Variants in RGS6 observed in about 807,000 individuals in gnomAD.
The protein encoded by RGS6 is regulator of G protein signaling 6.
RGS6 carries 30 observed loss-of-function variants against 78.5 expected under a neutral mutation model. The observed-to-expected ratio is 0.38, with a 90% CI of 0.29 to 0.52. The LOEUF (loss-of-function observed/expected upper bound fraction) is 0.52, where lower values mean the gene tolerates loss of function less well. RGS6 is among the 20% of genes least tolerant of loss of function. RGS6 has a pLI of 0.85. For missense variants in RGS6, 495 were observed against 609.7 expected, an observed-to-expected ratio of 0.81 and a Z score of 1.98; for synonymous variants, 206 against 206.0, an observed-to-expected ratio of 1.00 and a Z score of 0.00.
the RGS6 span, among the ~76,000 whole-genome samples, chr14:72,579,018 A>T: frequency 6.6e-6 from 1 of 152,108 alleles, no homozygotes; most frequent in Admixed American, 6.5e-5. Flanking sequence ...CTGTGTATCA[A>T]CCGCCTGCAT....
intron 13 of RGS6, among the ~76,000 whole-genome samples, chr14:72,506,494 C>CT (rs2096801525): frequency 2.6e-5 from 4 of 152,136 alleles, no homozygotes; most frequent in Admixed American, 1.3e-4. Flanking sequence ...ATGTTCAAGT[C>CT]TTTTCTTAAA....
chr14:72,091,273 T>C (rs1035650838), intron 2 of RGS6, among the ~76,000 whole-genome samples: 2 of 152,184 alleles, frequency 1.3e-5, no homozygotes, highest in African/African-American at 4.8e-5. Context: ...TGCTCTCTGC[T>C]GTAAGCAGCT....
chr14:72,291,158 A>T (rs563208335), intron 2 of RGS6, among the ~76,000 whole-genome samples: 28 of 151,880 alleles, frequency 1.8e-4, no homozygotes, highest in Admixed American at 3.9e-4. Context: ...ATTAACTTCA[A>T]GCCCTTAGAT....
chr14:72,070,301 G>A (rs1167118613), intron 2 of RGS6, among the ~76,000 whole-genome samples: 1 of 152,164 alleles, frequency 6.6e-6, no homozygotes, highest in African/African-American at 2.4e-5. Context: ...ATTTAAGGTT[G>A]CTTCTGCTAT....
intron 1 of RGS6, among the ~76,000 whole-genome samples, chr14:71,945,832 A>G (rs974908062): frequency 6.6e-6 from 1 of 152,336 alleles, no homozygotes; most frequent in African/African-American, 2.4e-5. Context: ...ACCAATTTCA[A>G]TTAGAAAAAT....
At chr14:71,982,432 T>C (rs1206257063) in intron 2 of RGS6, among the ~76,000 whole-genome samples, 1 of 152,228 alleles carries the variant, frequency 6.6e-6, no homozygotes, top group East Asian at 1.9e-4. Context: ...TTTTCTTTTA[T>C]GTCAGTCAAA....
the RGS6 span, among the ~76,000 whole-genome samples, chr14:72,582,945 T>TAAA: frequency 2.2e-3 from 315 of 142,342 alleles, no homozygotes; most frequent in African/African-American, 5.0e-3. Context: ...GTGGACTGAG[T>TAAA]AAAAAAAAAA....
intron 2 of RGS6, among the ~76,000 whole-genome samples, chr14:72,324,726 G>A (rs1284563821): frequency 1.3e-5 from 2 of 151,978 alleles, no homozygotes; most frequent in African/African-American, 2.4e-5. Flanking sequence ...TGGTGTATAT[G>A]TGCCACATTT....
chr14:72,330,040 C>A (rs2152565155), intron 2 of RGS6, among the ~76,000 whole-genome samples: 1 of 152,344 alleles, frequency 6.6e-6, no homozygotes, highest in East Asian at 1.9e-4. Flanking sequence ...TTCTTCACAG[C>A]ACCCAACAGC....
In RGS6 at chr14:72,408,074, G is replaced by C. The variant is rs1013335433; in HGVS notation, c.185-46454G>C. 2.4e-4 allele frequency among the ~76,000 whole-genome samples: 36 copies of C among 152,284 alleles called. 1 individual carries two copies. Among genetic ancestry groups the C allele is most frequent in the Middle Eastern group, 3.4e-3 (1 of 294 alleles). Reference sequence around the variant, plus strand: ...CCCAAAAAAGTTGTATTTAAATCAAGTTTTAACAAACCGACTCATGCTTGT... The same window carrying C: ...CCCAAAAAAGTTGTATTTAAATCAACTTTTAACAAACCGACTCATGCTTGT... On this transcript the variant is annotated intron_variant, in intron 3 of 17. Coordinates refer to ENST00000553525, the MANE Select transcript of RGS6 (RefSeq NM_001204424.2).
Position 71,964,867 on chromosome 14 carries a change from T to G in RGS6, c.76T>G (p.Tyr26Asp). The change falls in exon 2 of 18, where the codon TAC (tyrosine) becomes GAC (aspartate). Residue 26 changes from tyrosine (Y) to aspartate (D), a missense_variant. Coordinates refer to ENST00000553525, the MANE Select transcript of RGS6 (RefSeq NM_001204424.2). ...GGAGAGTTCTCCAAACATGATCGTT[T>G]ACTGCAAAGTAAGGCGCCTGGTCAA... is the stretch of plus-strand genomic sequence containing the variant. ...PEESSPNMIV[Y>D]CKIEDIITKM... 6.2e-7 allele frequency: 1 copy of G among 1,613,696 alleles called. No individual in the cohort carries two copies.
At chr14:72,046,633 CA>C (rs2092865520) in intron 2 of RGS6, among the ~76,000 whole-genome samples, 1 of 151,864 alleles carries the variant, frequency 6.6e-6, no homozygotes, top group Non-Finnish European at 1.5e-5. Flanking sequence ...CCTCCTCCCC[CA>C]ACCCTTCTTC....
Position 72,380,682 on chromosome 14 carries a change from C to T in RGS6, c.184+28488C>T, listed in dbSNP as rs567422972. On this transcript the variant is annotated intron_variant, in intron 3 of 17. Coordinates refer to ENST00000553525, the MANE Select transcript of RGS6 (RefSeq NM_001204424.2). ...TAAAGACAAAAATAACAAATGCTGG[C>T]AAGAATGCAGAGAAAAGGGAACTTA... Among the ~76,000 whole-genome samples, 8 of 152,024 alleles carry T rather than the reference C, an allele frequency of 5.3e-5. No individual in the cohort carries two copies. In the South Asian group the frequency reaches 1.7e-3, roughly 32 times the overall value.
chr14:72,096,734 A>T (rs535256112), intron 2 of RGS6, among the ~76,000 whole-genome samples: 163 of 152,262 alleles, frequency 1.1e-3, no homozygotes, highest in African/African-American at 3.7e-3. Flanking sequence ...CCAAGAGACC[A>T]GGGGGGCTGC....
chr14:71,943,193 T>C (rs1355786847), intron 1 of RGS6, among the ~76,000 whole-genome samples: 1 of 152,182 alleles, frequency 6.6e-6, no homozygotes, highest in Non-Finnish European at 1.5e-5. Flanking sequence ...CTATTATTTG[T>C]TCTTAAAGGA....
intron 2 of RGS6, among the ~76,000 whole-genome samples, chr14:72,041,035 G>T (rs943367808): frequency 2.0e-5 from 3 of 152,048 alleles, no homozygotes; most frequent in African/African-American, 7.2e-5. Flanking sequence ...TCTTTAAGAT[G>T]GTTATTTTGA....
chr14:72,096,226 A>C (rs2095403665), intron 2 of RGS6, among the ~76,000 whole-genome samples: 1 of 151,792 alleles, frequency 6.6e-6, no homozygotes, highest in South Asian at 2.1e-4. Context: ...GTGAGCTGAG[A>C]TTGCACCACT....
intron 12 of RGS6, among the ~76,000 whole-genome samples, chr14:72,490,496 T>C (rs1049405394): frequency 6.6e-6 from 1 of 152,236 alleles, no homozygotes; most frequent in African/African-American, 2.4e-5. Context: ...GGACAGAGGA[T>C]GTGCCTCTAG....
Position 72,478,336 on chromosome 14 carries a change from T to G in RGS6, c.854+7T>G, listed in dbSNP as rs763084189. On this transcript the variant is annotated splice_region_variant and intron_variant, in intron 12 of 17. Coordinates refer to ENST00000553525, the MANE Select transcript of RGS6 (RefSeq NM_001204424.2). ...TGTCCAAAGTGGCTGAAAGGTATGTTTTCCTTTAATAATATTACTACTTTC... is the reference window on the plus strand; with the variant it reads ...TGTCCAAAGTGGCTGAAAGGTATGTGTTCCTTTAATAATATTACTACTTTC... 6.3e-7 allele frequency: 1 copy of G among 1,578,942 alleles called. No homozygotes were observed. Among genetic ancestry groups the G allele is most frequent in the Non-Finnish European group, 8.7e-7 (1 of 1,149,102 alleles).
Sources: gnomAD v4.1 joint callset for allele counts (sites outside exome capture counted in the v4.1 genomes callset) on GRCh38, gnomAD v4.1.1 for gene constraint, MANE v1.5 for transcripts, NCBI Gene and HGNC (gene_info 2026-07-23, HGNC 2026-07-21) for gene names.